The following NRG3 variants were observed in gnomAD, a reference collection of about 807,000 sequenced individuals.
The protein encoded by NRG3 is neuregulin 3, also known as pro-neuregulin-3, membrane-bound isoform.
A neutral mutation model predicts 66.9 loss-of-function variants in NRG3; 31 were observed. That is an observed-to-expected ratio of 0.46 (90% CI 0.35 to 0.63). The LOEUF (loss-of-function observed/expected upper bound fraction) is 0.63, where lower values mean the gene tolerates loss of function less well. Among genes scored for constraint, NRG3 ranks in the 20% least tolerant of loss-of-function variants. The pLI is 0.00. For missense variants in NRG3, 910 were observed against 878.9 expected, an observed-to-expected ratio of 1.04 and a Z score of -0.45; for synonymous variants, 393 against 359.4, an observed-to-expected ratio of 1.09 and a Z score of -1.06.
At chr10:82,377,301 C>T (rs909902157) in intron 2 of NRG3, among the ~76,000 whole-genome samples, 11 of 152,214 alleles carry the variant, frequency 7.2e-5, no homozygotes, top group African/African-American at 2.4e-5. Flanking sequence ...AAGGATGCCT[C>T]GCAGTAAATA....
At chr10:81,964,804 T>C (rs1037813436) in intron 1 of NRG3, among the ~76,000 whole-genome samples, 1 of 152,158 alleles carries the variant, frequency 6.6e-6, no homozygotes, top group Non-Finnish European at 1.5e-5. Flanking sequence ...TATCCAGTTG[T>C]TGTCTTTCCA....
chr10:82,907,980 C>T (rs1015503186), intron 4 of NRG3, among the ~76,000 whole-genome samples: 18 of 152,220 alleles, frequency 1.2e-4, no homozygotes, highest in Non-Finnish European at 2.4e-4. Flanking sequence ...GATAAACCAT[C>T]ATTCCTCCTT....
intron 2 of NRG3, among the ~76,000 whole-genome samples, chr10:82,487,756 A>G (rs1434006643): frequency 2.6e-5 from 4 of 152,268 alleles, no homozygotes; most frequent in Non-Finnish European, 5.9e-5. Flanking sequence ...ATAGAAACAC[A>G]GCAATGCTAT....
At chr10:82,211,639 G>C (rs2075398764) in intron 1 of NRG3, among the ~76,000 whole-genome samples, 1 of 152,122 alleles carries the variant, frequency 6.6e-6, no homozygotes, top group South Asian at 2.1e-4. Flanking sequence ...TCCTGTAGTG[G>C]TTTGCATTGC....
chr10:82,984,684 C>T (rs887553937), intron 8 of NRG3: 10 of 1,247,866 alleles, frequency 8.0e-6, no homozygotes, highest in Non-Finnish European at 7.9e-6. Context: ...AGAGGGTGGT[C>T]GAGTTGATGG....
intron 3 of NRG3, among the ~76,000 whole-genome samples, chr10:82,778,416 G>T (rs2059988278): frequency 1.3e-5 from 2 of 152,166 alleles, no homozygotes; most frequent in Admixed American, 6.5e-5. Flanking sequence ...ATGGCAGAAG[G>T]CAGAGGAGAA....
intron 1 of NRG3, among the ~76,000 whole-genome samples, chr10:82,344,219 A>C: frequency 6.8e-6 from 1 of 148,070 alleles, no homozygotes; most frequent in Non-Finnish European, 1.5e-5. Context: ...CCCGCTCCCC[A>C]CACCCCACAA....
intron 3 of NRG3, among the ~76,000 whole-genome samples, chr10:82,801,060 G>T (rs531940621): frequency 6.6e-6 from 1 of 152,316 alleles, no homozygotes; most frequent in East Asian, 1.9e-4. Context: ...AGAAATAGTG[G>T]TATAGTGAAT....
intron 2 of NRG3, among the ~76,000 whole-genome samples, chr10:82,614,156 C>T (rs1277725251): frequency 6.6e-6 from 1 of 152,114 alleles, no homozygotes; most frequent in Admixed American, 6.5e-5. Flanking sequence ...CCTTGGCCTC[C>T]CAAAGCTCTG....
At chr10:82,001,170 A>T (rs1201637980) in intron 1 of NRG3, among the ~76,000 whole-genome samples, 3 of 149,712 alleles carry the variant, frequency 2.0e-5, no homozygotes, top group Non-Finnish European at 2.9e-5. Context: ...GGGCTCATAC[A>T]TTTTTAAAAA....
intron 4 of NRG3, among the ~76,000 whole-genome samples, chr10:82,930,778 G>C (rs779570331): frequency 1.3e-5 from 2 of 152,282 alleles, no homozygotes; most frequent in African/African-American, 4.8e-5. Flanking sequence ...ATCCAATGGA[G>C]GTTACTTTCA....
Position 82,179,945 on chromosome 10 carries a change from GTCTT to G in NRG3, c.824-178789_824-178786del, listed in dbSNP as rs1322010702. 4.0e-5 allele frequency among the ~76,000 whole-genome samples: 6 copies of G among 151,824 alleles called. No individual in the cohort carries two copies. The East Asian group carries it at 1.2e-3, about 29-fold the overall frequency. On this transcript the variant is annotated intron_variant, in intron 1 of 8. Transcript: ENST00000372141. Reference sequence around the variant, plus strand: ...ACATTTTGTAGTTTTCAGCATATAAGTCTTTCTTCTCCTTGCTTAACTTTATTCC... The same window carrying G: ...ACATTTTGTAGTTTTCAGCATATAAGTCTTCTCCTTGCTTAACTTTATTCC...
intron 2 of NRG3, among the ~76,000 whole-genome samples, chr10:82,647,824 G>A (rs1294765885): frequency 2.0e-5 from 3 of 151,530 alleles, no homozygotes; most frequent in East Asian, 1.9e-4. Context: ...GTCTGTTCAT[G>A]TCCTTCGCCC....
intron 1 of NRG3, among the ~76,000 whole-genome samples, chr10:82,351,280 A>G (rs1472398067): frequency 6.6e-6 from 1 of 152,204 alleles, no homozygotes; most frequent in Non-Finnish European, 1.5e-5. Flanking sequence ...AGAAACTTTT[A>G]TCCACTAGAA....
chr10:82,316,831 C>A (rs1474615977), intron 1 of NRG3, among the ~76,000 whole-genome samples: 1 of 152,144 alleles, frequency 6.6e-6, no homozygotes, highest in Non-Finnish European at 1.5e-5. Context: ...TTCAGAAAAG[C>A]AGAGCTGGGT....
intron 2 of NRG3, among the ~76,000 whole-genome samples, chr10:82,517,662 T>C (rs1845803762): frequency 8.2e-6 from 1 of 121,772 alleles, no homozygotes; most frequent in African/African-American, 4.0e-5. Context: ...TGTGTGTGTG[T>C]GTGTGTGCAT....
At chr10:82,552,779 T>C (rs907839770) in intron 2 of NRG3, among the ~76,000 whole-genome samples, 5 of 152,140 alleles carry the variant, frequency 3.3e-5, no homozygotes, top group African/African-American at 1.2e-4. Flanking sequence ...TTATGCCCAT[T>C]TTACCAAGGA....
intron 1 of NRG3, among the ~76,000 whole-genome samples, chr10:81,958,110 C>T (rs1430447332): frequency 1.3e-5 from 2 of 152,062 alleles, no homozygotes; most frequent in African/African-American, 4.8e-5. Context: ...ACAGCCCTGG[C>T]AATTGTTTTG....
At chr10:82,000,804 G>A (rs958255252) in intron 1 of NRG3, among the ~76,000 whole-genome samples, 1 of 152,176 alleles carries the variant, frequency 6.6e-6, no homozygotes, top group Non-Finnish European at 1.5e-5. Context: ...AGTCAATGCA[G>A]TACATTTCTG....
Sources: gnomAD v4.1 joint callset for allele counts (sites outside exome capture counted in the v4.1 genomes callset) on GRCh38, gnomAD v4.1.1 for gene constraint, MANE v1.5 for transcripts, NCBI Gene and HGNC (gene_info 2026-07-23, HGNC 2026-07-21) for gene names.